SOS1: variants seen among roughly 807,000 people sequenced by gnomAD.
SOS1 encodes the protein SOS Ras/Rac guanine nucleotide exchange factor 1.
A neutral mutation model predicts 157.6 loss-of-function variants in SOS1; 25 were observed. The observed-to-expected ratio is 0.16, with a 90% CI of 0.12 to 0.22. The LOEUF (loss-of-function observed/expected upper bound fraction) is 0.22, where lower values mean the gene tolerates loss of function less well. Among genes scored for constraint, SOS1 ranks in the 10% least tolerant of loss-of-function variants. The pLI, the probability that SOS1 is intolerant of heterozygous loss-of-function variation, is 1.00. For missense variants in SOS1, 1,237 were observed against 1,599.1 expected, an observed-to-expected ratio of 0.77 and a Z score of 3.86; for synonymous variants, 528 against 534.0, an observed-to-expected ratio of 0.99 and a Z score of 0.16.
At chr2:39,103,787 G>A (rs755525605) in intron 1 of SOS1, among the ~76,000 whole-genome samples, 65 of 152,294 alleles carry the variant, frequency 4.3e-4, no homozygotes, top group Admixed American at 4.1e-3. Flanking sequence ...AGAAAAAACA[G>A]ATAAATCTGA....
intron 1 of SOS1, among the ~76,000 whole-genome samples, chr2:39,077,014 G>A (rs1368010499): frequency 6.6e-6 from 1 of 152,004 alleles, no homozygotes; most frequent in Non-Finnish European, 1.5e-5. Context: ...TAAAGTAATA[G>A]AATAATTAGG....
At chr2:39,052,963 G>C (rs999221277) in intron 5 of SOS1, among the ~76,000 whole-genome samples, 10 of 152,098 alleles carry the variant, frequency 6.6e-5, no homozygotes, top group African/African-American at 1.4e-4. Context: ...GACCAGCCTG[G>C]TCAACATGGT....
rs758181378 is a variant in SOS1 at position 38,996,898 on chromosome 2, C to G, written c.3081+24G>C. On this transcript the variant is annotated intron_variant, in intron 19 of 22. Transcript: ENST00000402219. ...AACACATATGGTAGTAATGACATCA[C>G]CAGACAAATATACAAATGCTTACAA... 3 of 1,162,376 alleles carry G rather than the reference C, an allele frequency of 2.6e-6. No individual in the cohort carries two copies. The East Asian group carries it at 7.0e-5, about 27-fold the overall frequency. The allele number at this position is 1,162,376 out of a possible 1,614,324, so 72.0% of individuals were successfully genotyped here. A position where few individuals can be genotyped will look rare whatever the true frequency, so the allele number is the denominator to read the frequency against.
intron 15 of SOS1, among the ~76,000 whole-genome samples, chr2:39,007,851 A>G (rs1019688389): frequency 5.9e-5 from 9 of 152,188 alleles, no homozygotes; most frequent in Non-Finnish European, 1.5e-5. Flanking sequence ...GCACACACAC[A>G]CATTTAAAGT....
At chr2:39,005,177 A>C (rs998818780) in intron 17 of SOS1, among the ~76,000 whole-genome samples, 12 of 152,192 alleles carry the variant, frequency 7.9e-5, no homozygotes, top group Admixed American at 5.9e-4. Flanking sequence ...GATTAAAAAT[A>C]GCTAAAAGTT....
intron 19 of SOS1, 57 bp downstream of exon 19, chr2:38,996,865 A>C (rs1668911342): frequency 1.1e-6 from 1 of 894,358 alleles, no homozygotes; most frequent in Non-Finnish European, 1.9e-6. Context: ...CTTTATGGAA[A>C]ACTATATAAC....
Position 39,006,621 on chromosome 2 carries a change from C to A in SOS1, c.2674-92G>T, listed in dbSNP as rs1669290762. On this transcript the variant is annotated intron_variant, in intron 16 of 22. Coordinates refer to ENST00000402219, the MANE Select transcript of SOS1 (RefSeq NM_005633.4). The stretch of plus-strand genomic sequence containing the variant: ...GGCTAACAGAAACGCCCAAATACAA[C>A]AGTATCAATTTGATTTTATGACTGT... The A allele has an allele frequency of 2.5e-5, 19 of 753,978 alleles. No homozygotes were observed. In the South Asian group the frequency reaches 2.6e-4, roughly 10 times the overall value. The allele number at this position is 753,978 out of a possible 1,614,324, so 46.7% of individuals were successfully genotyped here.
chr2:39,097,862 G>C (rs1672826396), intron 1 of SOS1, among the ~76,000 whole-genome samples: 1 of 152,196 alleles, frequency 6.6e-6, no homozygotes, highest in Non-Finnish European at 1.5e-5. Flanking sequence ...ACTTTGCCCA[G>C]TGAAGTTAAT....
chr2:39,106,755 TCTG>T (rs914316948), intron 1 of SOS1, among the ~76,000 whole-genome samples: 3 of 152,206 alleles, frequency 2.0e-5, no homozygotes, highest in African/African-American at 7.2e-5. Flanking sequence ...TTTGCGCCTT[TCTG>T]CCTGTGAGGT....
At chr2:39,102,476 A>G (rs1233524055) in intron 1 of SOS1, among the ~76,000 whole-genome samples, 1 of 128,268 alleles carries the variant, frequency 7.8e-6, no homozygotes, top group Non-Finnish European at 1.6e-5. Context: ...GGCTGTAGAG[A>G]GCCGTGATCA....
chr2:39,011,211 T>C (rs903162804), intron 14 of SOS1, among the ~76,000 whole-genome samples: 3 of 152,208 alleles, frequency 2.0e-5, no homozygotes, highest in African/African-American at 4.8e-5. Context: ...AAAACTGTTT[T>C]TAAAAACTAT....
chr2:39,086,034 G>T (rs1251891279), intron 1 of SOS1, among the ~76,000 whole-genome samples: 1 of 152,130 alleles, frequency 6.6e-6, no homozygotes, highest in Non-Finnish European at 1.5e-5. Context: ...AACCCTGCAC[G>T]AATTACTTAC....
At chr2:39,105,060 T>C (rs1673114316) in intron 1 of SOS1, among the ~76,000 whole-genome samples, 1 of 152,184 alleles carries the variant, frequency 6.6e-6, no homozygotes. Flanking sequence ...TTATTAAATG[T>C]TCTATAGAAA....
intron 1 of SOS1, among the ~76,000 whole-genome samples, chr2:39,116,806 G>A (rs1375112864): frequency 6.6e-6 from 1 of 152,224 alleles, no homozygotes; most frequent in South Asian, 2.1e-4. Context: ...AGCCAAGATC[G>A]CACCACTGCA....
chr2:39,041,154 G>T (rs774370573), intron 6 of SOS1, among the ~76,000 whole-genome samples: 31 of 152,108 alleles, frequency 2.0e-4, no homozygotes, highest in Non-Finnish European at 2.8e-4. Flanking sequence ...AACCTCCTGG[G>T]CTCAAGCAAT....
chr2:38,997,948 G>A (rs558928220), intron 17 of SOS1, among the ~76,000 whole-genome samples: 119 of 152,282 alleles, frequency 7.8e-4, no homozygotes, highest in African/African-American at 2.7e-3. Context: ...CACACAAGAG[G>A]TTGTTATGAT....
chr2:39,062,542 T>A (rs1671445212), intron 2 of SOS1, among the ~76,000 whole-genome samples: 1 of 148,334 alleles, frequency 6.7e-6, no homozygotes, highest in Non-Finnish European at 1.5e-5. Context: ...AAAGCAGACG[T>A]TTTACATTTT....
intron 1 of SOS1, among the ~76,000 whole-genome samples, chr2:39,091,014 G>A (rs183775495): frequency 6.6e-5 from 10 of 152,178 alleles, no homozygotes; most frequent in African/African-American, 2.4e-4. Flanking sequence ...GACTACCGGT[G>A]CACGCCACCA....
chr2:39,111,293 G>A (rs559659057), intron 1 of SOS1, among the ~76,000 whole-genome samples: 1 of 152,092 alleles, frequency 6.6e-6, no homozygotes, highest in African/African-American at 2.4e-5. Context: ...GCATGCCATA[G>A]AGCAAACATA....
Sources: gnomAD v4.1 joint callset for allele counts (sites outside exome capture counted in the v4.1 genomes callset) on GRCh38, gnomAD v4.1.1 for gene constraint, MANE v1.5 for transcripts, NCBI Gene and HGNC (gene_info 2026-07-23, HGNC 2026-07-21) for gene names.